The following CACNA1I variants were observed in gnomAD, a reference collection of about 807,000 sequenced individuals.
The protein encoded by CACNA1I is calcium voltage-gated channel subunit alpha1 I.
CACNA1I carries 74 observed loss-of-function variants against 201.6 expected under a neutral mutation model. The observed-to-expected ratio is 0.37, with a 90% CI of 0.30 to 0.45. The LOEUF (loss-of-function observed/expected upper bound fraction) is 0.45. Ranked by LOEUF, CACNA1I falls within the 20% of genes least tolerant of loss-of-function variation. CACNA1I has a pLI of 1.00. For synonymous variants in CACNA1I, 1,431 were observed against 1,345.2 expected (o/e 1.06, Z -1.40); for missense variants, 2,346 against 3,138.1 (o/e 0.75, Z 6.03).
At chr22:39,639,499 G>A (rs1299055795) in intron 5 of CACNA1I, among the ~76,000 whole-genome samples, 1 of 152,000 alleles carries the variant, frequency 6.6e-6, no homozygotes, top group African/African-American at 2.4e-5. Context: ...TTAATCCACT[G>A]GAAGTTTACT....
Position 39,673,948 on chromosome 22 carries a change from G to C in CACNA1I, c.4784-15G>C, listed in dbSNP as rs767691404. 7 of 1,611,516 alleles carry C rather than the reference G, an allele frequency of 4.3e-6. No individual in the cohort carries two copies. The highest frequency in any genetic ancestry group is 1.7e-5 in the Admixed American group (1 of 59,986). On this transcript the variant is annotated splice_polypyrimidine_tract_variant and intron_variant, in intron 28 of 36. Coordinates refer to ENST00000402142, the MANE Select transcript of CACNA1I (RefSeq NM_021096.4). The stretch of plus-strand genomic sequence containing the variant: ...GGCCTGGGGCTGAGTGGGCAGGGCT[G>C]GGTCTCGCCCGCAGTGCTGAAGCTG...
At chr22:39,598,291 C>CCTGCA (rs755560245) in intron 2 of CACNA1I, 29 bp downstream of exon 2, 1 of 1,312,716 alleles carries the variant, frequency 7.6e-7, no homozygotes, top group Non-Finnish European at 1.1e-6. Flanking sequence ...CCCGCCCCGC[C>CCTGCA]CTGCCCTCAT....
intron 15 of CACNA1I, among the ~76,000 whole-genome samples, chr22:39,660,776 C>G (rs1446857613): frequency 6.6e-6 from 1 of 152,048 alleles, no homozygotes; most frequent in Non-Finnish European, 1.5e-5. Context: ...AAGCATCCTC[C>G]AACCCTAGCC....
rs949423833 is a variant in CACNA1I, at chr22:39,622,605, G to C, written c.580+3198G>C. Among the ~76,000 whole-genome samples the C allele has an allele frequency of 2.7e-5, 4 of 150,612 alleles. No homozygotes were observed. In the East Asian group the frequency reaches 8.0e-4, roughly 30 times the overall value. On this transcript the variant is annotated intron_variant, in intron 4 of 36. Coordinates refer to ENST00000402142, the MANE Select transcript of CACNA1I (RefSeq NM_021096.4). ...CCTGGCCAGAGTGCGGTGTGGGGGG[G>C]GCGGTGGGGGGGGCAGTGGGGGTGA...
chr22:39,655,639 C>G (rs1249615617), intron 10 of CACNA1I, among the ~76,000 whole-genome samples: 1 of 152,164 alleles, frequency 6.6e-6, no homozygotes, highest in Non-Finnish European at 1.5e-5. Context: ...CATGCCCCAC[C>G]TTTGCCCCTC....
chr22:39,584,470 T>C (rs1223857381), intron 1 of CACNA1I, among the ~76,000 whole-genome samples: 1 of 152,168 alleles, frequency 6.6e-6, no homozygotes, highest in African/African-American at 2.4e-5. Context: ...TCAGGGTTCC[T>C]GGGGCTGGGA....
At chr22:39,674,306 G>A (rs1935459282) in intron 29 of CACNA1I, among the ~76,000 whole-genome samples, 1 of 152,234 alleles carries the variant, frequency 6.6e-6, no homozygotes, top group Non-Finnish European at 1.5e-5. Context: ...TTGCCCCCAG[G>A]CTGGTGGAGG....
In CACNA1I at chr22:39,665,902, C is replaced by A; in HGVS notation, c.4000C>A (p.His1334Asn). Residue 1334 changes from histidine (H) to asparagine (N), a missense_variant, in exon 23 of 37, where the codon CAC becomes AAC. His to Asn is a moderately conservative substitution (Grantham distance 68, BLOSUM62 1). Coordinates refer to ENST00000402142, the MANE Select transcript of CACNA1I (RefSeq NM_021096.4). This position sits in a 1 kb window ranked among gnomAD's most constrained non-coding sequence, Gnocchi z 5.5. ...CCAGCTCTTCAAGGGCAAGTTCTAC[C>A]ACTGTCTGGGCGTGGACACCCGCAA... ...GVQLFKGKFY[H>N]CLGVDTRNIT... is the part of the protein sequence containing the mutation. The A allele has an allele frequency of 6.2e-7, 1 of 1,613,886 alleles. No homozygotes were observed. Among genetic ancestry groups the A allele is most frequent in the East Asian group, 2.2e-5 (1 of 44,878 alleles).
At chr22:39,584,054 G>A (rs975849485) in intron 1 of CACNA1I, among the ~76,000 whole-genome samples, 2 of 152,230 alleles carry the variant, frequency 1.3e-5, no homozygotes, top group Non-Finnish European at 2.9e-5. Context: ...AAGGCAGTGG[G>A]GAGCCACAGA....
At chr22:39,658,822 A>C (rs2146444752) in intron 11 of CACNA1I, 109 bp from the exon 12 acceptor site, 1 of 931,276 alleles carries the variant, frequency 1.1e-6, no homozygotes, top group South Asian at 1.6e-5. Context: ...TGGATGGATG[A>C]ATGGAAGCTC....
rs1366306002 is a variant in CACNA1I at position 39,659,496 on chromosome 22, G to A, written c.2394G>A (p.Val798=). The A allele has an allele frequency of 3.1e-6, 5 of 1,590,288 alleles. No homozygotes were observed. In the African/African-American group the frequency reaches 4.0e-5, roughly 13 times the overall value. ...FSLRTDTGDT[V]PDRKNFDSLL... The stretch of plus-strand genomic sequence containing the variant: ...TCCGCACGGACACTGGAGACACGGT[G>A]CCCGACAGGAAGAACTTCGACTCCC... The change falls in exon 13 of 37, where the codon GTG becomes GTA. Residue 798 remains valine (V), a synonymous_variant. Coordinates refer to ENST00000402142, the MANE Select transcript of CACNA1I (RefSeq NM_021096.4). This position sits in a 1 kb window ranked among gnomAD's most constrained non-coding sequence, Gnocchi z 4.3.
Position 39,664,902 on chromosome 22 carries a change from T to G in CACNA1I, c.3830T>G (p.Leu1277Arg). The change falls in exon 21 of 37, where the codon CTG becomes CGG. Residue 1277 changes from leucine to arginine, a missense_variant. Coordinates refer to ENST00000402142, the MANE Select transcript of CACNA1I (RefSeq NM_021096.4). ...ILGVLRVLRL[L>R]RTLRPLRVIS... ...GGGGTCCTCCGAGTCTTGCGGCTCC[T>G]GCGCACCCTACGCCCCCTGCGGTGA... The G allele has an allele frequency of 1.2e-6, 2 of 1,612,510 alleles. No individual in the cohort carries two copies. Among genetic ancestry groups the G allele is most frequent in the Non-Finnish European group, 1.7e-6 (2 of 1,179,832 alleles).
rs1180936871 is a variant in CACNA1I at position 39,629,152 on chromosome 22, A to G, written c.581-5413A>G. ...ATCCACTTGCCCGCTGCCATCTGCC[A>G]CCACCAAGCCCCTAGCTTTCAGTGC... is the stretch of plus-strand genomic sequence containing the variant. On this transcript the variant is annotated intron_variant, in intron 4 of 36. Coordinates refer to ENST00000402142, the MANE Select transcript of CACNA1I (RefSeq NM_021096.4). The surrounding 1 kb of genome is among the most constrained non-coding windows in gnomAD (Gnocchi z 4.8). Among the ~76,000 whole-genome samples, 1 of 152,064 alleles carries G rather than the reference A, an allele frequency of 6.6e-6. No homozygotes were observed. Among genetic ancestry groups the G allele is most frequent in the Non-Finnish European group, 1.5e-5 (1 of 68,008 alleles).
At chr22:39,593,441 A>G (rs1190102400) in intron 1 of CACNA1I, among the ~76,000 whole-genome samples, 1 of 152,190 alleles carries the variant, frequency 6.6e-6, no homozygotes, top group Non-Finnish European at 1.5e-5. Flanking sequence ...GTGAGGGGCA[A>G]GAGGCACATC....
At chr22:39,658,874 C>A in intron 11 of CACNA1I, 57 bp from the exon 12 acceptor site, 1 of 1,443,888 alleles carries the variant, frequency 6.9e-7, no homozygotes, top group African/African-American at 1.4e-5. Context: ...TCCTCTCCCC[C>A]TGGCCTCCTA....
chr22:39,573,725 A>G (rs1184383583), intron 1 of CACNA1I, among the ~76,000 whole-genome samples: 1 of 152,152 alleles, frequency 6.6e-6, no homozygotes, highest in Non-Finnish European at 1.5e-5. Flanking sequence ...CCTTGGGGCC[A>G]CTGTCTCCTT....
In CACNA1I at chr22:39,685,943, C is replaced by T. The variant is rs772334730; in HGVS notation, c.6210C>T (p.Arg2070=). Residue 2070 remains arginine (R), a synonymous_variant, in exon 37 of 37, where the codon CGC becomes CGT. Coordinates refer to ENST00000402142, the MANE Select transcript of CACNA1I (RefSeq NM_021096.4). This position sits in a 1 kb window ranked among gnomAD's most constrained non-coding sequence, Gnocchi z 5.0. ...CCGCTCGCCGCCGCCTGAGCCTGCG[C>T]GGCCGGGGCCTCTTCAGCCTGCGGG... is the stretch of plus-strand genomic sequence containing the variant. The part of the protein sequence containing the change: ...SPAARRRLSL[R]GRGLFSLRGL... 11 of 1,278,010 alleles carry T rather than the reference C, an allele frequency of 8.6e-6. No individual in the cohort carries two copies. Among genetic ancestry groups the T allele is most frequent in the South Asian group, 2.9e-5 (1 of 33,956 alleles). The allele number at this position is 1,278,010 out of a possible 1,614,324, so 79.2% of individuals were successfully genotyped here.
intron 7 of CACNA1I, among the ~76,000 whole-genome samples, chr22:39,644,762 G>A (rs940419004): frequency 6.6e-6 from 1 of 151,226 alleles, no homozygotes; most frequent in South Asian, 2.1e-4. Flanking sequence ...ATCATAGCTC[G>A]CTGCAGCCTT....
Position 39,570,990 on chromosome 22 carries a change from T to C in CACNA1I, c.236+2T>C. 1 of 1,612,214 alleles carries C rather than the reference T, an allele frequency of 6.2e-7. No individual in the cohort carries two copies. The highest frequency in any genetic ancestry group is 8.5e-7 in the Non-Finnish European group (1 of 1,178,524). On this transcript the variant is annotated splice_donor_variant, in intron 1 of 36. Transcript: ENST00000402142. LOFTEE classifies it high-confidence loss of function. Reference sequence around the variant, plus strand: ...GTGCATCAAGATGGTGTGCAACCCATATCCTCCGCAGCCTCGGCTGATCGG... The same window carrying C: ...GTGCATCAAGATGGTGTGCAACCCACATCCTCCGCAGCCTCGGCTGATCGG...
Sources: allele counts gnomAD v4.1 joint callset (sites outside exome capture counted in the v4.1 genomes callset), GRCh38; gene constraint gnomAD v4.1.1; non-coding constraint Gnocchi (gnomAD v3.1); transcripts MANE v1.5; gene names NCBI Gene and HGNC (gene_info 2026-07-23, HGNC 2026-07-21).